Variants in DNAI4 observed in about 807,000 individuals in gnomAD.
DNAI4 encodes dynein axonemal intermediate chain 4, also known as WD repeat domain 78.
DNAI4 carries 85 observed loss-of-function variants against 105.8 expected under a neutral mutation model. The ratio of observed to expected loss-of-function variants is 0.80; its 90% confidence interval spans 0.67 to 0.96. The LOEUF (loss-of-function observed/expected upper bound fraction) is 0.96, where lower values mean the gene tolerates loss of function less well. Ranked by LOEUF, DNAI4 falls within the 40% of genes least tolerant of loss-of-function variation. The pLI, the probability that DNAI4 is intolerant of heterozygous loss-of-function variation, is 0.00. For synonymous variants in DNAI4, 352 were observed against 331.5 expected (o/e 1.06, Z -0.67); for missense variants, 1,014 against 1,005.6 (o/e 1.01, Z -0.11).
intron 16 of DNAI4, among the ~76,000 whole-genome samples, chr1:66,821,540 T>G (rs567209547): frequency 6.6e-6 from 1 of 152,358 alleles, no homozygotes; most frequent in South Asian, 2.1e-4. Context: ...AAAATTATTT[T>G]TAAATAAACC....
intron 11 of DNAI4, among the ~76,000 whole-genome samples, chr1:66,835,193 C>CAGATAGATAGATAGAT (rs57056257): frequency 6.6e-5 from 9 of 136,218 alleles, no homozygotes; most frequent in East Asian, 6.2e-4. Context: ...CCTCCTTAGA[C>CAGATAGATAGATAGAT]AGATAGATAG....
chr1:66,850,321 G>C (rs1360144666), intron 7 of DNAI4, among the ~76,000 whole-genome samples: 1 of 151,870 alleles, frequency 6.6e-6, no homozygotes, highest in Non-Finnish European at 1.5e-5. Flanking sequence ...TCTATACCCA[G>C]TGAATTTTCC....
At chr1:66,884,857 A>C (rs1367493851) in intron 4 of DNAI4, among the ~76,000 whole-genome samples, 2 of 152,340 alleles carry the variant, frequency 1.3e-5, no homozygotes, top group East Asian at 3.9e-4. Context: ...AGAAGCCATC[A>C]AAGTACCTTG....
At chr1:66,884,608 T>C (rs1372486203) in intron 4 of DNAI4, among the ~76,000 whole-genome samples, 1 of 152,230 alleles carries the variant, frequency 6.6e-6, no homozygotes, top group African/African-American at 2.4e-5. Flanking sequence ...CAATGTGTTG[T>C]GGAATTCAGT....
Position 66,924,838 on chromosome 1 carries a change from G to A in DNAI4, c.-7C>T. Reference sequence around the variant, plus strand: ...AATGTTTGCCGGGCGTCATGGCGACGGTGGAGCCCTGGCTCAACAAGCGGC... The same window carrying A: ...AATGTTTGCCGGGCGTCATGGCGACAGTGGAGCCCTGGCTCAACAAGCGGC... On this transcript the variant is annotated 5_prime_UTR_variant, in exon 1 of 17. Transcript: ENST00000371026. 6.2e-7 allele frequency: 1 copy of A among 1,613,532 alleles called. No homozygotes were observed. The highest frequency in any genetic ancestry group is 1.1e-5 in the South Asian group (1 of 91,074).
chr1:66,895,800 C>A (rs758113650), intron 2 of DNAI4, among the ~76,000 whole-genome samples: 54 of 152,100 alleles, frequency 3.6e-4, no homozygotes, highest in Non-Finnish European at 6.9e-4. Flanking sequence ...TTGAAATGAT[C>A]ATATGCTTTT....
rs530527873 is a variant in DNAI4 at position 66,892,995 on chromosome 1, A to G, written c.530+234T>C. Among the ~76,000 whole-genome samples, 47 of 114,644 alleles carry G rather than the reference A, an allele frequency of 4.1e-4. 2 individuals are homozygous for G. The highest frequency in any genetic ancestry group is 1.5e-3 in the African/African-American group (38 of 25,488). The allele number at this position is 114,644 out of a possible 152,430, so 75.2% of individuals were successfully genotyped here. A position where few individuals can be genotyped will look rare whatever the true frequency, so the allele number is the denominator to read the frequency against. Reference sequence around the variant, plus strand: ...AAAGAAAGAAAGAAAGAAAGAAAGAAAGAGAGAAAGAGAGAGAGGAAAGAA... The same window carrying G: ...AAAGAAAGAAAGAAAGAAAGAAAGAGAGAGAGAAAGAGAGAGAGGAAAGAA... On this transcript the variant is annotated intron_variant, in intron 3 of 16. Transcript: ENST00000371026.
chr1:66,847,624 T>A lies in DNAI4; in HGVS notation c.1151A>T (p.His384Leu). The A allele has an allele frequency of 1.9e-6, 3 of 1,613,660 alleles. No individual in the cohort carries two copies. Among genetic ancestry groups the A allele is most frequent in the Non-Finnish European group, 2.5e-6 (3 of 1,179,886 alleles). ...DIENVILAKI[H>L]EDEEDHSDAI... is the part of the protein sequence containing the mutation. ...ATCTGAGTGGTCTTCCTCATCTTCATGGATTTTTGCCAGAATTACATTTTC... is the reference window on the plus strand; with the variant it reads ...ATCTGAGTGGTCTTCCTCATCTTCAAGGATTTTTGCCAGAATTACATTTTC... Residue 384 changes from histidine (H) to leucine (L), a missense_variant, in exon 8 of 17, where the codon CAT (histidine) becomes CTT (leucine). Transcript: ENST00000371026.
chr1:66,865,492 G>A (rs759532456), intron 6 of DNAI4, among the ~76,000 whole-genome samples: 11 of 152,108 alleles, frequency 7.2e-5, no homozygotes, highest in Non-Finnish European at 1.3e-4. Flanking sequence ...CCTGATTTTG[G>A]ATGAAACTGG....
intron 1 of DNAI4, among the ~76,000 whole-genome samples, chr1:66,915,874 C>A (rs2100882300): frequency 6.6e-6 from 1 of 152,102 alleles, no homozygotes; most frequent in Non-Finnish European, 1.5e-5. Context: ...TGTAATCCAA[C>A]ACTTTGGGAG....
rs116800856 is a variant in DNAI4, at chr1:66,885,485, A to C, written c.643+5669T>G. On this transcript the variant is annotated intron_variant, in intron 4 of 16. Coordinates refer to ENST00000371026, the MANE Select transcript of DNAI4 (RefSeq NM_024763.5). The stretch of plus-strand genomic sequence containing the variant: ...TTATAGAATGCCAGTTTTTAATTTC[A>C]ACACTTTAAAGATTTTTGTTTCACT... Among the ~76,000 whole-genome samples, 1,337 of 152,314 alleles carry C rather than the reference A, an allele frequency of 8.8e-3. 17 individuals are homozygous for C. Among genetic ancestry groups the C allele is most frequent in the African/African-American group, 0.03 (1,247 of 41,574 alleles).
chr1:66,917,860 T>C (rs1011129827), intron 1 of DNAI4, among the ~76,000 whole-genome samples: 1 of 152,252 alleles, frequency 6.6e-6, no homozygotes, highest in African/African-American at 2.4e-5. Context: ...AATAGTGTGC[T>C]TTCCTTTAAG....
In DNAI4 at chr1:66,827,907, T is replaced by G. The variant is rs1645789079; in HGVS notation, c.2017A>C (p.Thr673Pro). 1 of 1,596,818 alleles carries G rather than the reference T, an allele frequency of 6.3e-7. No homozygotes were observed. Among genetic ancestry groups the G allele is most frequent in the Non-Finnish European group, 8.5e-7 (1 of 1,170,010 alleles). The change falls in exon 14 of 17, where the codon ACA becomes CCA. Residue 673 changes from threonine to proline, a missense_variant. Coordinates refer to ENST00000371026, the MANE Select transcript of DNAI4 (RefSeq NM_024763.5). ...TCAGTGCCAGCCAAATAGATATTTGTGTCCTACAACACAAAACATCGAAAT... is the reference window on the plus strand; with the variant it reads ...TCAGTGCCAGCCAAATAGATATTTGGGTCCTACAACACAAAACATCGAAAT... ...GMCFAFHPKD[T>P]NIYLAGTEEG... is the part of the protein sequence containing the mutation.
At chr1:66,836,920 G>A (rs923472555) in intron 10 of DNAI4, among the ~76,000 whole-genome samples, 2 of 152,076 alleles carry the variant, frequency 1.3e-5, no homozygotes, top group South Asian at 2.1e-4. Flanking sequence ...GGGCTCTTTA[G>A]CAAAATTACT....
chr1:66,896,116 T>C (rs1166429799), intron 2 of DNAI4, among the ~76,000 whole-genome samples: 2 of 152,234 alleles, frequency 1.3e-5, no homozygotes, highest in African/African-American at 2.4e-5. Context: ...TTTTCATCTA[T>C]GTATGTTTGA....
At chr1:66,894,502 A>T (rs1338358306) in intron 2 of DNAI4, among the ~76,000 whole-genome samples, 4 of 152,068 alleles carry the variant, frequency 2.6e-5, no homozygotes, top group African/African-American at 9.7e-5. Context: ...TTTTTAACGT[A>T]GTCAATTGTA....
At chr1:66,924,302 C>G (rs1355364095) in intron 1 of DNAI4, among the ~76,000 whole-genome samples, 1 of 152,222 alleles carries the variant, frequency 6.6e-6, no homozygotes, top group African/African-American at 2.4e-5. Context: ...TCCCAAGTAG[C>G]TGGGATTACA....
rs144580874 is a variant in DNAI4 at position 66,837,744 on chromosome 1, C to G, written c.1547G>C (p.Gly516Ala). The change falls in exon 10 of 17, where the codon GGA becomes GCA. Residue 516 changes from glycine to alanine, a missense_variant. Coordinates refer to ENST00000371026, the MANE Select transcript of DNAI4 (RefSeq NM_024763.5). ...GHFGFKEQKR[G>A]LACCWSIKNP... ...CTTTATTGACCAGCAGCAAGCCAGT[C>G]CTCTTTTTTGCTCTTTAAATCCAAA... is the stretch of plus-strand genomic sequence containing the variant. The G allele has an allele frequency of 6.2e-7, 1 of 1,609,994 alleles. No homozygotes were observed. Among genetic ancestry groups the G allele is most frequent in the Admixed American group, 1.7e-5 (1 of 59,700 alleles).
chr1:66,887,039 C>T (rs1427421542), intron 4 of DNAI4, among the ~76,000 whole-genome samples: 1 of 152,034 alleles, frequency 6.6e-6, no homozygotes, highest in Non-Finnish European at 1.5e-5. Context: ...CTAGCTTATC[C>T]TCAGCTCAGA....
Sources: allele counts gnomAD v4.1 joint callset (sites outside exome capture counted in the v4.1 genomes callset), GRCh38; gene constraint gnomAD v4.1.1; transcripts MANE v1.5; gene names NCBI Gene and HGNC (gene_info 2026-07-23, HGNC 2026-07-21).